DCC: variants seen among roughly 807,000 people sequenced by gnomAD.
DCC encodes netrin receptor DCC.
Under a neutral mutation model 172.5 loss-of-function variants are expected in DCC, and 58 were observed. That is an observed-to-expected ratio of 0.34 (90% CI 0.27 to 0.42). DCC has a LOEUF of 0.42. Among genes scored for constraint, DCC ranks in the 10% least tolerant of loss-of-function variants. DCC has a pLI of 1.00. For synonymous variants in DCC, 709 were observed against 644.5 expected, an observed-to-expected ratio of 1.10 and a Z score of -1.52; for missense variants, 1,740 against 1,791.0, an observed-to-expected ratio of 0.97 and a Z score of 0.51.
intron 1 of DCC, among the ~76,000 whole-genome samples, chr18:52,551,949 C>A (rs185411121): frequency 6.6e-6 from 1 of 151,872 alleles, no homozygotes; most frequent in Non-Finnish European, 1.5e-5. Context: ...ATATTGGAAT[C>A]GTGTGTGGAT....
rs369225847 is a variant in DCC, at chr18:52,935,115, T to C, written c.985+9745T>C. On this transcript the variant is annotated intron_variant, in intron 5 of 28. Transcript: ENST00000442544. ...AAAAGTGAGCAACAATGAAGACTTA[T>C]ATTATCAACATTGCTTACATATTGG... Among the ~76,000 whole-genome samples, 10 of 152,132 alleles carry C rather than the reference T, an allele frequency of 6.6e-5. 1 individual carries two copies. The highest frequency in any genetic ancestry group is 6.2e-4 in the South Asian group (3 of 4,836).
intron 1 of DCC, among the ~76,000 whole-genome samples, chr18:52,741,531 T>C (rs888073215): frequency 6.6e-6 from 1 of 152,178 alleles, no homozygotes; most frequent in African/African-American, 2.4e-5. Flanking sequence ...CAACCAGAAA[T>C]GCCTCCAGAC....
intron 1 of DCC, among the ~76,000 whole-genome samples, chr18:52,412,234 G>A (rs1445962537): frequency 6.6e-6 from 1 of 152,028 alleles, no homozygotes; most frequent in Non-Finnish European, 1.5e-5. Context: ...GTATACACAT[G>A]TATGTATGTA....
intron 27 of DCC, among the ~76,000 whole-genome samples, chr18:53,520,734 G>A (rs903346119): frequency 5.9e-5 from 9 of 151,974 alleles, no homozygotes; most frequent in Non-Finnish European, 1.0e-4. Context: ...TCTGCCTTCC[G>A]ACAAAGGATG....
At chr18:52,594,647 G>A (rs554863088) in intron 1 of DCC, among the ~76,000 whole-genome samples, 12 of 152,298 alleles carry the variant, frequency 7.9e-5, no homozygotes, top group Middle Eastern at 3.4e-3. Context: ...AGCTCTACAG[G>A]CTGTACAGGA....
chr18:52,458,910 G>C (rs1988542590), intron 1 of DCC, among the ~76,000 whole-genome samples: 1 of 152,256 alleles, frequency 6.6e-6, no homozygotes, highest in South Asian at 2.1e-4. Flanking sequence ...TATTGGTTTT[G>C]ACTAGAATAA....
At chr18:53,076,640 G>A (rs1376992760) in intron 7 of DCC, among the ~76,000 whole-genome samples, 1 of 145,684 alleles carries the variant, frequency 6.9e-6, no homozygotes, top group Admixed American at 6.7e-5. Flanking sequence ...AATACTTTGT[G>A]AGTCTGAGAT....
At chr18:53,136,770 C>T (rs1387820946) in intron 7 of DCC, among the ~76,000 whole-genome samples, 1 of 152,060 alleles carries the variant, frequency 6.6e-6, no homozygotes. Flanking sequence ...GAAATCATGT[C>T]CCAATAAAGT....
intron 2 of DCC, among the ~76,000 whole-genome samples, chr18:52,871,585 G>T (rs945699806): frequency 1.3e-5 from 2 of 152,086 alleles, no homozygotes; most frequent in African/African-American, 2.4e-5. Context: ...TACCTTCATA[G>T]CTGGGACTAC....
At chr18:52,507,121 TC>T (rs1449893072) in intron 1 of DCC, among the ~76,000 whole-genome samples, 3 of 152,288 alleles carry the variant, frequency 2.0e-5, no homozygotes, top group African/African-American at 7.2e-5. Flanking sequence ...AAGATGCTAA[TC>T]CTTTATAGCC....
At chr18:52,579,658 C>T (rs1051031566) in intron 1 of DCC, among the ~76,000 whole-genome samples, 1 of 152,194 alleles carries the variant, frequency 6.6e-6, no homozygotes, top group African/African-American at 2.4e-5. Flanking sequence ...ATAGTTTGAA[C>T]TTGAATCTTC....
At chr18:53,149,362 C>T (rs1170610849) in intron 7 of DCC, among the ~76,000 whole-genome samples, 1 of 152,162 alleles carries the variant, frequency 6.6e-6, no homozygotes, top group Admixed American at 6.5e-5. Flanking sequence ...CAACTCTGTA[C>T]ACTAAATATT....
At chr18:52,588,540 A>G (rs773398501) in intron 1 of DCC, among the ~76,000 whole-genome samples, 2 of 152,240 alleles carry the variant, frequency 1.3e-5, no homozygotes, top group South Asian at 2.1e-4. Flanking sequence ...CAGGAAGACA[A>G]GGCTTAAATA....
At chr18:53,293,591 A>G (rs2057031319) in intron 12 of DCC, among the ~76,000 whole-genome samples, 1 of 152,076 alleles carries the variant, frequency 6.6e-6, no homozygotes, top group Non-Finnish European at 1.5e-5. Flanking sequence ...CTAGTACTCA[A>G]TAGTTAATTT....
intron 1 of DCC, among the ~76,000 whole-genome samples, chr18:52,542,504 CA>C (rs1378553920): frequency 1.1e-4 from 17 of 151,974 alleles, no homozygotes; most frequent in Admixed American, 1.1e-3. Context: ...TTGAAGGGGT[CA>C]GGGGTAGTTC....
intron 27 of DCC, among the ~76,000 whole-genome samples, chr18:53,519,190 C>T (rs889784027): frequency 1.1e-4 from 16 of 151,974 alleles, no homozygotes; most frequent in African/African-American, 3.6e-4. Context: ...AAATTTCTTA[C>T]ATTTATAGAC....
chr18:53,113,514 T>C (rs1034820048), intron 7 of DCC, among the ~76,000 whole-genome samples: 2 of 151,480 alleles, frequency 1.3e-5, no homozygotes, highest in Non-Finnish European at 3.0e-5. Flanking sequence ...TATTTGCTTT[T>C]ATTTGTTTAC....
chr18:52,900,764 C>A (rs903151256), intron 2 of DCC, among the ~76,000 whole-genome samples: 2 of 152,134 alleles, frequency 1.3e-5, no homozygotes, highest in Non-Finnish European at 2.9e-5. Context: ...CCAACAACAC[C>A]AGGTGTTCCT....
At chr18:53,206,321 GTATTGTAA>G in intron 10 of DCC, among the ~76,000 whole-genome samples, 1 of 87,806 alleles carries the variant, frequency 1.1e-5, no homozygotes, top group Admixed American at 1.4e-4. Context: ...ATACATATAT[GTATTGTAA>G]CACATATATG....
Sources: gnomAD v4.1 joint callset for allele counts (sites outside exome capture counted in the v4.1 genomes callset) on GRCh38, gnomAD v4.1.1 for gene constraint, MANE v1.5 for transcripts, NCBI Gene and HGNC (gene_info 2026-07-23, HGNC 2026-07-21) for gene names.